CFAP299: variants seen among roughly 807,000 people sequenced by gnomAD.
CFAP299 encodes cilia- and flagella-associated protein 299.
Under a neutral mutation model 27.0 loss-of-function variants are expected in CFAP299, and 21 were observed. That is an observed-to-expected ratio of 0.78 (90% confidence interval 0.55 to 1.12). CFAP299 has a LOEUF of 1.12. Among genes scored for constraint, CFAP299 ranks in the 50% most tolerant of loss-of-function variants. The pLI is 0.00. For missense variants in CFAP299, 310 were observed against 276.6 expected, an observed-to-expected ratio of 1.12 and a Z score of -0.86; for synonymous variants, 104 against 98.1, an observed-to-expected ratio of 1.06 and a Z score of -0.36.
chr4:80,708,113 G>A lies in CFAP299; in HGVS notation c.333+124930G>A, dbSNP rs570798335. Among the ~76,000 whole-genome samples the A allele has an allele frequency of 1.7e-4, 26 of 152,008 alleles. No individual in the cohort carries two copies. In the East Asian group the frequency reaches 4.3e-3, roughly 25 times the overall value. On this transcript the variant is annotated intron_variant, in intron 3 of 5. Coordinates refer to ENST00000358105, the MANE Select transcript of CFAP299 (RefSeq NM_152770.3). ...TTCACTAGAATATCCAGGCTGCATC[G>A]GTTCAACAGCAAGTGCAACTCTTGG... is the stretch of plus-strand genomic sequence containing the variant.
At chr4:80,859,746 C>G (rs996891573) in intron 3 of CFAP299, among the ~76,000 whole-genome samples, 1 of 152,176 alleles carries the variant, frequency 6.6e-6, no homozygotes, top group Non-Finnish European at 1.5e-5. Flanking sequence ...CCCCCACTCT[C>G]TTCTGGCTTG....
intron 3 of CFAP299, among the ~76,000 whole-genome samples, chr4:80,783,908 C>T (rs1353288072): frequency 6.6e-6 from 1 of 151,944 alleles, no homozygotes; most frequent in East Asian, 1.9e-4. Flanking sequence ...CCTCTCCACC[C>T]CCACCCCTGG....
chr4:80,517,264 T>C (rs1237263015), intron 2 of CFAP299, among the ~76,000 whole-genome samples: 2 of 152,078 alleles, frequency 1.3e-5, no homozygotes, highest in Non-Finnish European at 2.9e-5. Context: ...TGGACACTGG[T>C]TTGAGTAAGA....
chr4:80,703,741 T>A (rs2110029805), intron 3 of CFAP299, among the ~76,000 whole-genome samples: 1 of 151,858 alleles, frequency 6.6e-6, no homozygotes, highest in East Asian at 1.9e-4. Flanking sequence ...TACACAATTT[T>A]ACCATCCAAC....
At chr4:80,750,237 TA>T (rs1724856422) in intron 3 of CFAP299, among the ~76,000 whole-genome samples, 1 of 152,108 alleles carries the variant, frequency 6.6e-6, no homozygotes, top group African/African-American at 2.4e-5. Flanking sequence ...AAATAGCATT[TA>T]AAAAAATTTT....
chr4:80,596,877 A>T (rs1367131436), intron 3 of CFAP299, among the ~76,000 whole-genome samples: 1 of 152,168 alleles, frequency 6.6e-6, no homozygotes, highest in Non-Finnish European at 1.5e-5. Context: ...TATTTTGTTT[A>T]TGAGAACCAT....
At chr4:80,853,802 A>G (rs1165617440) in intron 3 of CFAP299, among the ~76,000 whole-genome samples, 1 of 152,206 alleles carries the variant, frequency 6.6e-6, no homozygotes, top group Non-Finnish European at 1.5e-5. Context: ...AATTAGGTAA[A>G]TAATGTTGCA....
intron 3 of CFAP299, among the ~76,000 whole-genome samples, chr4:80,604,892 G>GAAAAAAA (rs56306966): frequency 1.4e-5 from 2 of 145,664 alleles, no homozygotes; most frequent in African/African-American, 5.1e-5. Flanking sequence ...TATAATACCA[G>GAAAAAAA]AAAAAAAAAA....
In CFAP299 at chr4:80,364,994, T is replaced by C. The variant is rs550924569; in HGVS notation, c.242+2110T>C. Among the ~76,000 whole-genome samples the C allele has an allele frequency of 5.5e-4, 84 of 152,362 alleles. 1 individual carries two copies. Among genetic ancestry groups the C allele is most frequent in the African/African-American group, 1.9e-3 (81 of 41,580 alleles). ...GTATATATGTACCATATTTTCTTTTTTCAGTCTATCATTGATGAGCATTTG... is the reference window on the plus strand; with the variant it reads ...GTATATATGTACCATATTTTCTTTTCTCAGTCTATCATTGATGAGCATTTG... On this transcript the variant is annotated intron_variant, in intron 2 of 5. Transcript: ENST00000358105.
At chr4:80,662,664 A>C (rs1285299950) in intron 3 of CFAP299, among the ~76,000 whole-genome samples, 1 of 152,178 alleles carries the variant, frequency 6.6e-6, no homozygotes, top group Non-Finnish European at 1.5e-5. Flanking sequence ...CTGTGAATAG[A>C]TTGGCAGTGT....
intron 3 of CFAP299, among the ~76,000 whole-genome samples, chr4:80,678,641 A>G (rs535511590): frequency 2.6e-5 from 4 of 152,140 alleles, no homozygotes; most frequent in African/African-American, 7.2e-5. Context: ...CATCATGCCT[A>G]TTTCCTGGCA....
intron 2 of CFAP299, among the ~76,000 whole-genome samples, chr4:80,435,573 A>T (rs886243538): frequency 6.6e-6 from 1 of 152,202 alleles, no homozygotes; most frequent in Non-Finnish European, 1.5e-5. Context: ...CTACAAAAAC[A>T]TTGCAATCTC....
intron 3 of CFAP299, among the ~76,000 whole-genome samples, chr4:80,628,205 C>G (rs1213112524): frequency 3.3e-5 from 5 of 152,052 alleles, no homozygotes; most frequent in Non-Finnish European, 5.9e-5. Flanking sequence ...TGATTTTTGA[C>G]AGCGGTGTCA....
At chr4:80,712,821 T>C (rs1237100285) in intron 3 of CFAP299, among the ~76,000 whole-genome samples, 1 of 152,208 alleles carries the variant, frequency 6.6e-6, no homozygotes, top group Non-Finnish European at 1.5e-5. Context: ...CCCATATTTA[T>C]GTATCTGAAG....
chr4:80,537,024 G>T (rs1733777061), intron 2 of CFAP299, among the ~76,000 whole-genome samples: 1 of 152,038 alleles, frequency 6.6e-6, no homozygotes, highest in African/African-American at 2.4e-5. Flanking sequence ...ATATAACCTG[G>T]TTAAAAAATG....
At chr4:80,675,115 A>G (rs1719350841) in intron 3 of CFAP299, among the ~76,000 whole-genome samples, 1 of 152,178 alleles carries the variant, frequency 6.6e-6, no homozygotes, top group Non-Finnish European at 1.5e-5. Context: ...TTTGGTTTTT[A>G]GAATTTTCAG....
intron 4 of CFAP299, among the ~76,000 whole-genome samples, chr4:80,917,092 A>G (rs1578236791): frequency 6.6e-6 from 1 of 152,162 alleles, no homozygotes; most frequent in South Asian, 2.1e-4. Context: ...GGAAGGTAGG[A>G]GTCAGAGATT....
At chr4:80,798,642 A>C (rs1578133517) in intron 3 of CFAP299, among the ~76,000 whole-genome samples, 1 of 152,180 alleles carries the variant, frequency 6.6e-6, no homozygotes, top group East Asian at 1.9e-4. Context: ...AACTCAGGAC[A>C]ATCTTAGCAG....
intron 4 of CFAP299, among the ~76,000 whole-genome samples, chr4:80,920,067 A>C (rs932770306): frequency 1.3e-5 from 2 of 152,080 alleles, no homozygotes; most frequent in Non-Finnish European, 2.9e-5. Flanking sequence ...TCCCACCTCC[A>C]CTAAAGGATC....
Sources: gnomAD v4.1 joint callset for allele counts (sites outside exome capture counted in the v4.1 genomes callset) on GRCh38, gnomAD v4.1.1 for gene constraint, MANE v1.5 for transcripts, NCBI Gene and HGNC (gene_info 2026-07-23, HGNC 2026-07-21) for gene names.